The following EEPD1 variants were observed in gnomAD, a reference collection of about 807,000 sequenced individuals.
EEPD1 encodes the protein endonuclease/exonuclease/phosphatase family domain-containing protein 1.
A neutral mutation model predicts 46.3 loss-of-function variants in EEPD1; 17 were observed. The ratio of observed to expected loss-of-function variants is 0.37; its 90% CI spans 0.25 to 0.55. EEPD1 has a LOEUF of 0.55. EEPD1 is among the 20% of genes least tolerant of loss of function. The pLI is 0.83. For missense variants in EEPD1, 673 were observed against 745.6 expected (o/e 0.90, Z 1.13); for synonymous variants, 313 against 315.6 (o/e 0.99, Z 0.09).
In EEPD1 at chr7:36,248,126, G is replaced by C. The variant is rs150335261; in HGVS notation, c.930+9090G>C. Among the ~76,000 whole-genome samples the C allele has an allele frequency of 6.8e-4, 103 of 152,166 alleles. 3 individuals are homozygous for C. In the East Asian group the frequency reaches 0.016, roughly 24 times the overall value. ...CGTGAGAGGTTGGAGGACGTGGACT[G>C]GACACACCTTTCATTTGGGCTTGGT... On this transcript the variant is annotated intron_variant, in intron 3 of 7. Coordinates refer to ENST00000242108, the MANE Select transcript of EEPD1 (RefSeq NM_030636.3).
chr7:36,282,806 C>T (rs1420196435), intron 4 of EEPD1, among the ~76,000 whole-genome samples: 1 of 152,260 alleles, frequency 6.6e-6, no homozygotes, highest in Non-Finnish European at 1.5e-5. Context: ...CATGTCTACC[C>T]AGTTGTTACC....
At chr7:36,287,869 T>C in intron 6 of EEPD1, 92 bp downstream of exon 6, 2 of 1,522,766 alleles carry the variant, frequency 1.3e-6, no homozygotes, top group East Asian at 4.6e-5. Context: ...TTGGGCTGGC[T>C]GTTTGTCAGC....
chr7:36,269,845 A>T (rs574738281), intron 3 of EEPD1, among the ~76,000 whole-genome samples: 2 of 152,376 alleles, frequency 1.3e-5, no homozygotes, highest in South Asian at 4.1e-4. Context: ...TTCTAAACAT[A>T]TAGATAAAAA....
intron 2 of EEPD1, among the ~76,000 whole-genome samples, chr7:36,196,985 C>G (rs1471533821): frequency 6.7e-6 from 1 of 148,920 alleles, no homozygotes; most frequent in Non-Finnish European, 1.5e-5. Flanking sequence ...CTGCCCGGCC[C>G]CCCATCGTCT....
chr7:36,246,945 G>A (rs1786650493), intron 3 of EEPD1, among the ~76,000 whole-genome samples: 1 of 152,038 alleles, frequency 6.6e-6, no homozygotes, highest in Admixed American at 6.6e-5. Flanking sequence ...GGCCGATATG[G>A]TGAAACCCCA....
chr7:36,263,204 C>A (rs555292126), intron 3 of EEPD1, among the ~76,000 whole-genome samples: 19 of 152,078 alleles, frequency 1.2e-4, no homozygotes, highest in African/African-American at 4.3e-4. Flanking sequence ...TGGCGATGCA[C>A]GTCTGTAGTC....
At chr7:36,218,636 AT>A (rs1172499320) in intron 2 of EEPD1, among the ~76,000 whole-genome samples, 1 of 152,194 alleles carries the variant, frequency 6.6e-6, no homozygotes, top group Non-Finnish European at 1.5e-5. Flanking sequence ...TGAATTGTAT[AT>A]TTCCAGAATT....
chr7:36,197,918 A>G, intron 2 of EEPD1, among the ~76,000 whole-genome samples: 1 of 152,000 alleles, frequency 6.6e-6, no homozygotes, highest in African/African-American at 2.4e-5. Flanking sequence ...AATAAAAAAA[A>G]ATATGGAAAA....
At chr7:36,248,608 C>T (rs1257266541) in intron 3 of EEPD1, among the ~76,000 whole-genome samples, 1 of 151,770 alleles carries the variant, frequency 6.6e-6, no homozygotes, top group African/African-American at 2.4e-5. Flanking sequence ...TCCCCCACCC[C>T]CGCCACACTT....
At chr7:36,298,961 A>C in intron 7 of EEPD1, 46 bp from the exon 8 acceptor site, 1 of 1,598,332 alleles carries the variant, frequency 6.3e-7, no homozygotes, top group Middle Eastern at 1.9e-4. Context: ...TCCCGCACCC[A>C]ACCCCCCATC....
At chr7:36,159,026 T>C (rs1344891566) in intron 2 of EEPD1, among the ~76,000 whole-genome samples, 1 of 152,236 alleles carries the variant, frequency 6.6e-6, no homozygotes, top group Non-Finnish European at 1.5e-5. Context: ...GTCTGTGATA[T>C]CAAAGCACAA....
chr7:36,168,126 G>A (rs1562671525), intron 2 of EEPD1, among the ~76,000 whole-genome samples: 1 of 152,214 alleles, frequency 6.6e-6, no homozygotes, highest in Non-Finnish European at 1.5e-5. Context: ...CCTGTGGACT[G>A]AGGGTTTCAT....
intron 2 of EEPD1, among the ~76,000 whole-genome samples, chr7:36,195,805 T>A (rs966287648): frequency 6.6e-6 from 1 of 152,258 alleles, no homozygotes; most frequent in African/African-American, 2.4e-5. Context: ...TTAATTCATT[T>A]GATTTCACCA....
chr7:36,161,401 A>T (rs1025801076), intron 2 of EEPD1, among the ~76,000 whole-genome samples: 1 of 152,098 alleles, frequency 6.6e-6, no homozygotes, highest in Non-Finnish European at 1.5e-5. Context: ...CTCTGCAGGT[A>T]TGTGAGACCT....
chr7:36,227,069 A>C (rs1388762658), intron 2 of EEPD1, among the ~76,000 whole-genome samples: 3 of 152,084 alleles, frequency 2.0e-5, no homozygotes, highest in Non-Finnish European at 4.4e-5. Flanking sequence ...ATCTTAAAGA[A>C]GGGAGGGGGG....
intron 2 of EEPD1, 133 bp from the exon 3 acceptor site, chr7:36,238,852 T>G (rs761059500): frequency 1.2e-5 from 9 of 722,150 alleles, no homozygotes; most frequent in Non-Finnish European, 1.9e-5. Context: ...AAATAAAAGG[T>G]CACCTTAAGA....
intron 3 of EEPD1, among the ~76,000 whole-genome samples, chr7:36,264,197 T>A (rs1417980692): frequency 6.6e-6 from 1 of 152,178 alleles, no homozygotes; most frequent in Non-Finnish European, 1.5e-5. Context: ...TTTGTTTCAG[T>A]TCCTCATTTA....
chr7:36,154,466 G>A lies in EEPD1; in HGVS notation c.142G>A (p.Glu48Lys). 4 of 1,614,232 alleles carry A rather than the reference G, an allele frequency of 2.5e-6. No individual in the cohort carries two copies. Among genetic ancestry groups the A allele is most frequent in the Non-Finnish European group, 3.4e-6 (4 of 1,180,050 alleles). Reference sequence around the variant, plus strand: ...GCTCAACATCAACACTGCCACGGAGGAGGAGCTGATGACCCTGCCTGGGGT... The same window carrying A: ...GCTCAACATCAACACTGCCACGGAGAAGGAGCTGATGACCCTGCCTGGGGT... The part of the protein sequence containing the change: ...ERLNINTATE[E>K]ELMTLPGVTR... Residue 48 changes from glutamate (E) to lysine (K), a missense_variant, in exon 2 of 8, where the codon GAG (glutamate) becomes AAG (lysine). Transcript: ENST00000242108. This position sits in a 1 kb window ranked among gnomAD's most constrained non-coding sequence, Gnocchi z 4.2.
At chr7:36,217,743 ACAG>A (rs1231247494) in intron 2 of EEPD1, among the ~76,000 whole-genome samples, 1 of 152,226 alleles carries the variant, frequency 6.6e-6, no homozygotes, top group Non-Finnish European at 1.5e-5. Context: ...GGTTTGTGTT[ACAG>A]GGAGAGAGGG....
Sources: allele counts gnomAD v4.1 joint callset (sites outside exome capture counted in the v4.1 genomes callset), GRCh38; gene constraint gnomAD v4.1.1; non-coding constraint Gnocchi (gnomAD v3.1); transcripts MANE v1.5; gene names NCBI Gene and HGNC (gene_info 2026-07-23, HGNC 2026-07-21).